The following SPPL3 variants were observed in gnomAD, a reference collection of about 807,000 sequenced individuals.
The protein encoded by SPPL3 is signal peptide peptidase like 3.
Under a neutral mutation model 42.4 loss-of-function variants are expected in SPPL3, and 5 were observed. The ratio of observed to expected loss-of-function variants is 0.12; its 90% confidence interval spans 0.06 to 0.25. SPPL3 has a LOEUF of 0.25. Among genes scored for constraint, SPPL3 ranks in the 10% least tolerant of loss-of-function variants. The pLI, the probability that SPPL3 is intolerant of heterozygous loss-of-function variation, is 1.00. For missense variants in SPPL3, 235 were observed against 489.0 expected, an observed-to-expected ratio of 0.48 and a Z score of 4.90; for synonymous variants, 195 against 181.8, an observed-to-expected ratio of 1.07 and a Z score of -0.58.
chr12:120,790,420 C>T (rs1869876093), intron 3 of SPPL3, among the ~76,000 whole-genome samples: 1 of 152,198 alleles, frequency 6.6e-6, no homozygotes, highest in Non-Finnish European at 1.5e-5. Context: ...TTCAATTTAA[C>T]ATCCATGGTC....
intron 1 of SPPL3, among the ~76,000 whole-genome samples, chr12:120,852,903 A>T (rs189129136): frequency 0.053 from 2,079 of 38,950 alleles, 213 homozygotes; most frequent in African/African-American, 0.061. Flanking sequence ...ATATATATAT[A>T]TATTTTTTAA....
At chr12:120,851,998 T>C (rs1463044288) in intron 1 of SPPL3, among the ~76,000 whole-genome samples, 1 of 152,220 alleles carries the variant, frequency 6.6e-6, no homozygotes, top group Non-Finnish European at 1.5e-5. Context: ...AAAAGGAATT[T>C]AGTGATTTAA....
chr12:120,859,819 T>C (rs890444753), intron 1 of SPPL3, among the ~76,000 whole-genome samples: 2 of 152,162 alleles, frequency 1.3e-5, no homozygotes, highest in Non-Finnish European at 2.9e-5. Flanking sequence ...GGTGCGCACC[T>C]GTACTCCCAG....
chr12:120,903,644 G>A (rs1874054671), intron 1 of SPPL3: 2 of 482,842 alleles, frequency 4.1e-6, no homozygotes, highest in Non-Finnish European at 3.7e-6. Flanking sequence ...CCCCTTCTCG[G>A]ACGCCAGGTC....
intron 1 of SPPL3, among the ~76,000 whole-genome samples, chr12:120,891,579 C>T (rs1201391362): frequency 2.6e-5 from 4 of 151,982 alleles, no homozygotes; most frequent in African/African-American, 9.7e-5. Context: ...AATACAAAGA[C>T]TATGAATTCC....
At chr12:120,836,532 G>A (rs1257435217) in intron 1 of SPPL3, among the ~76,000 whole-genome samples, 1 of 145,422 alleles carries the variant, frequency 6.9e-6, no homozygotes, top group Non-Finnish European at 1.5e-5. Context: ...CACCACACGG[G>A]ACAAAGACAA....
At chr12:120,781,176 T>C (rs1869523659) in intron 6 of SPPL3, among the ~76,000 whole-genome samples, 1 of 152,208 alleles carries the variant, frequency 6.6e-6, no homozygotes, top group South Asian at 2.1e-4. Flanking sequence ...CCATTCATCC[T>C]AGGTATTATT....
At chr12:120,872,578 G>A (rs572971817) in intron 1 of SPPL3, among the ~76,000 whole-genome samples, 1 of 152,292 alleles carries the variant, frequency 6.6e-6, no homozygotes, top group Admixed American at 6.5e-5. Context: ...TGGAGAAGCG[G>A]GGGCTGCATG....
At chr12:120,868,956 T>A (rs185900009) in intron 1 of SPPL3, among the ~76,000 whole-genome samples, 192 of 152,288 alleles carry the variant, frequency 1.3e-3, no homozygotes, top group Non-Finnish European at 6.6e-4. Flanking sequence ...ACACCTAACA[T>A]CTGTTCATAA....
intron 1 of SPPL3, chr12:120,845,061 C>T (rs893540629): frequency 4.9e-5 from 14 of 285,356 alleles, no homozygotes; most frequent in African/African-American, 9.2e-5. Context: ...GTGTTTGCCA[C>T]GAGAGTAAAG....
chr12:120,881,253 G>A (rs1162259916), intron 1 of SPPL3, among the ~76,000 whole-genome samples: 1 of 151,716 alleles, frequency 6.6e-6, no homozygotes, highest in African/African-American at 2.4e-5. Flanking sequence ...AGGATCATCT[G>A]AGGTCAGGAA....
intron 1 of SPPL3, among the ~76,000 whole-genome samples, chr12:120,895,197 G>A (rs1291816106): frequency 6.6e-6 from 1 of 152,156 alleles, no homozygotes; most frequent in Non-Finnish European, 1.5e-5. Flanking sequence ...GGAGGCAGAG[G>A]TGGGTGGATC....
In SPPL3 at chr12:120,826,435, T is replaced by C. The variant is rs557841641; in HGVS notation, c.24-15549A>G. On this transcript the variant is annotated intron_variant, in intron 1 of 10. Transcript: ENST00000353487. ...ATCGAAATCCCAATTTAGGCACTCATGTATGTGGCAGAGACAGTTAGAGGT... is the reference window on the plus strand; with the variant it reads ...ATCGAAATCCCAATTTAGGCACTCACGTATGTGGCAGAGACAGTTAGAGGT... Among the ~76,000 whole-genome samples, 139 of 152,132 alleles carry C rather than the reference T, an allele frequency of 9.1e-4. No individual in the cohort carries two copies. The South Asian group carries it at 0.013, about 14-fold the overall frequency.
chr12:120,814,317 G>C lies in SPPL3; in HGVS notation c.24-3431C>G, dbSNP rs77535057. 5.9e-3 allele frequency among the ~76,000 whole-genome samples: 894 copies of C among 152,244 alleles called. 10 individuals carry two copies. The highest frequency in any genetic ancestry group is 0.019 in the African/African-American group (807 of 41,550). On this transcript the variant is annotated intron_variant, in intron 1 of 10. Coordinates refer to ENST00000353487, the MANE Select transcript of SPPL3 (RefSeq NM_139015.5). ...CTAAATTTCAGTCAGCCGGGGAGTGGAGAAAGGGAAGGTAGGAGACATGAA... is the reference window on the plus strand; with the variant it reads ...CTAAATTTCAGTCAGCCGGGGAGTGCAGAAAGGGAAGGTAGGAGACATGAA...
chr12:120,901,471 G>A (rs1441984411), intron 1 of SPPL3, among the ~76,000 whole-genome samples: 1 of 151,660 alleles, frequency 6.6e-6, no homozygotes, highest in Non-Finnish European at 1.5e-5. Flanking sequence ...TGTGGCTGTA[G>A]TCCCAGCTAC....
chr12:120,830,147 C>T (rs1002755889), intron 1 of SPPL3, among the ~76,000 whole-genome samples: 1 of 147,586 alleles, frequency 6.8e-6, no homozygotes, highest in Non-Finnish European at 1.5e-5. Flanking sequence ...GTCTTAGATA[C>T]ATTAATATTT....
intron 2 of SPPL3, among the ~76,000 whole-genome samples, chr12:120,806,523 T>C (rs952506083): frequency 1.3e-5 from 2 of 152,086 alleles, no homozygotes; most frequent in Non-Finnish European, 2.9e-5. Flanking sequence ...TAATTTTAAA[T>C]GTAAGAAGCA....
intron 1 of SPPL3, among the ~76,000 whole-genome samples, chr12:120,851,867 G>A (rs189039979): frequency 6.6e-6 from 1 of 152,152 alleles, no homozygotes; most frequent in Admixed American, 6.6e-5. Flanking sequence ...GCCTCCCAAA[G>A]TGCTGGGATT....
chr12:120,853,435 C>T (rs766706489), intron 1 of SPPL3, among the ~76,000 whole-genome samples: 2 of 152,102 alleles, frequency 1.3e-5, no homozygotes, highest in African/African-American at 4.8e-5. Context: ...TGACACCAAA[C>T]GTAAAATTTT....
Sources: gnomAD v4.1 joint callset for allele counts (sites outside exome capture counted in the v4.1 genomes callset) on GRCh38, gnomAD v4.1.1 for gene constraint, MANE v1.5 for transcripts, NCBI Gene and HGNC (gene_info 2026-07-23, HGNC 2026-07-21) for gene names.